PTPRT: variants seen among roughly 807,000 people sequenced by gnomAD.
The protein encoded by PTPRT is receptor-type tyrosine-protein phosphatase T.
A neutral mutation model predicts 176.8 loss-of-function variants in PTPRT; 56 were observed. The ratio of observed to expected loss-of-function variants is 0.32; its 90% CI spans 0.26 to 0.40. The LOEUF (loss-of-function observed/expected upper bound fraction) is 0.40. Among genes scored for constraint, PTPRT ranks in the 10% least tolerant of loss-of-function variants. PTPRT has a pLI of 1.00. For missense variants in PTPRT, 1,540 were observed against 1,908.2 expected (o/e 0.81, Z 3.60); for synonymous variants, 783 against 739.0 (o/e 1.06, Z -0.96).
chr20:42,777,003 C>T (rs939280658), intron 4 of PTPRT, among the ~76,000 whole-genome samples: 1 of 152,090 alleles, frequency 6.6e-6, no homozygotes, highest in African/African-American at 2.4e-5. Flanking sequence ...TGGTGCCTGA[C>T]ATGGAGCTCA....
At chr20:42,602,511 C>T (rs945506496) in intron 7 of PTPRT, among the ~76,000 whole-genome samples, 3 of 152,132 alleles carry the variant, frequency 2.0e-5, no homozygotes, top group Admixed American at 2.0e-4. Context: ...CTCCTGACAA[C>T]TCTGTGAGGG....
intron 16 of PTPRT, among the ~76,000 whole-genome samples, chr20:42,178,895 C>T (rs897909651): frequency 2.0e-5 from 3 of 152,106 alleles, no homozygotes; most frequent in Non-Finnish European, 4.4e-5. Flanking sequence ...TAGCTAGCTT[C>T]CCAAGGAACA....
At chr20:42,455,866 A>G in intron 8 of PTPRT, among the ~76,000 whole-genome samples, 1 of 152,048 alleles carries the variant, frequency 6.6e-6, no homozygotes, top group East Asian at 1.9e-4. Context: ...AAAGTCTACT[A>G]CTTTGTACTT....
At chr20:42,459,025 G>A (rs1238846779) in intron 8 of PTPRT, among the ~76,000 whole-genome samples, 3 of 152,178 alleles carry the variant, frequency 2.0e-5, no homozygotes, top group Non-Finnish European at 4.4e-5. Context: ...GCTGGAAAGA[G>A]AGACAAAGAG....
At chr20:42,611,738 A>G (rs2073980048) in intron 7 of PTPRT, among the ~76,000 whole-genome samples, 1 of 152,108 alleles carries the variant, frequency 6.6e-6, no homozygotes, top group African/African-American at 2.4e-5. Flanking sequence ...GGCTGTGGGC[A>G]TTCCTTCTGT....
intron 8 of PTPRT, among the ~76,000 whole-genome samples, chr20:42,457,026 A>G (rs1000865425): frequency 6.6e-6 from 1 of 152,164 alleles, no homozygotes; most frequent in African/African-American, 2.4e-5. Context: ...AAGTTTTTTA[A>G]TTAATAGTTT....
At position 42,387,521 on chromosome 20, in the gene PTPRT, G is replaced by A. The variant is rs534178257; in HGVS notation, c.1561-35236C>T. On this transcript the variant is annotated intron_variant, in intron 9 of 30. Coordinates refer to ENST00000373187, the MANE Select transcript of PTPRT (RefSeq NM_007050.6). ...CCATGGTCTTTTTGTTGTTGTTGTCGTCGTCATTTGTTTTGTGTTATTATT... is the reference window on the plus strand; with the variant it reads ...CCATGGTCTTTTTGTTGTTGTTGTCATCGTCATTTGTTTTGTGTTATTATT... Among the ~76,000 whole-genome samples the A allele has an allele frequency of 2.0e-3, 297 of 152,212 alleles. 1 individual carries two copies. The highest frequency in any genetic ancestry group is 0.01 in the Middle Eastern group (3 of 294).
chr20:42,083,398 C>T (rs1172726222), intron 29 of PTPRT, among the ~76,000 whole-genome samples: 1 of 152,154 alleles, frequency 6.6e-6, no homozygotes, highest in Non-Finnish European at 1.5e-5. Flanking sequence ...GGGATGTGGG[C>T]AGAGCCAGCT....
intron 9 of PTPRT, among the ~76,000 whole-genome samples, chr20:42,438,483 C>T (rs2059283187): frequency 6.6e-6 from 1 of 151,576 alleles, no homozygotes; most frequent in African/African-American, 2.4e-5. Context: ...TGTCAGTTAA[C>T]TCTCCAATGA....
At chr20:42,139,721 A>G (rs1336930493) in intron 18 of PTPRT, among the ~76,000 whole-genome samples, 1 of 152,236 alleles carries the variant, frequency 6.6e-6, no homozygotes, top group African/African-American at 2.4e-5. Flanking sequence ...AGTCTCAGGC[A>G]TAGGCTTTAT....
chr20:42,046,082 T>A, the PTPRT span, among the ~76,000 whole-genome samples: 1 of 152,216 alleles, frequency 6.6e-6, no homozygotes, highest in South Asian at 2.1e-4. Context: ...CCTGGAGTCA[T>A]GTCCTCCGCC....
At chr20:42,468,652 G>C (rs75637618) in intron 8 of PTPRT, among the ~76,000 whole-genome samples, 5,434 of 152,302 alleles carry the variant, frequency 0.036, 230 homozygotes, top group African/African-American at 0.099. Flanking sequence ...AGAAGAAAGA[G>C]AGAAGTTAAG....
intron 2 of PTPRT, among the ~76,000 whole-genome samples, chr20:42,881,335 CAGGATGTTATGAGTG>C (rs1308539512): frequency 6.6e-6 from 1 of 152,114 alleles, no homozygotes; most frequent in Admixed American, 6.5e-5. Context: ...AAGCAAAGAA[CAGGATGTTATGAGTG>C]AGAATAAGGA....
At chr20:42,881,540 C>T (rs992120298) in intron 2 of PTPRT, among the ~76,000 whole-genome samples, 4 of 152,016 alleles carry the variant, frequency 2.6e-5, no homozygotes, top group South Asian at 2.1e-4. Flanking sequence ...GCCTGGTCAA[C>T]GTGGCAAAAC....
chr20:42,688,017 G>A (rs1218080189), intron 6 of PTPRT: 1 of 152,108 alleles, frequency 6.6e-6, no homozygotes, highest in East Asian at 1.9e-4. Context: ...ATTCAGCTCT[G>A]GTCTTTTTGC....
Position 42,776,753 on chromosome 20 carries a change from T to G in PTPRT, c.568+3465A>C, listed in dbSNP as rs1368660593. 4.0e-5 allele frequency among the ~76,000 whole-genome samples: 6 copies of G among 148,502 alleles called. No individual in the cohort carries two copies. In the South Asian group the frequency reaches 1.3e-3, roughly 31 times the overall value. ...ATTATATATGATATGCTTATATAATTATAAATGTATATATGATATATAAAT... is the reference window on the plus strand; with the variant it reads ...ATTATATATGATATGCTTATATAATGATAAATGTATATATGATATATAAAT... On this transcript the variant is annotated intron_variant, in intron 4 of 30. Coordinates refer to ENST00000373187, the MANE Select transcript of PTPRT (RefSeq NM_007050.6).
At chr20:42,216,709 C>T (rs142670418) in intron 15 of PTPRT, among the ~76,000 whole-genome samples, 10 of 152,252 alleles carry the variant, frequency 6.6e-5, no homozygotes, top group Admixed American at 3.3e-4. Context: ...ATTGTTGCAT[C>T]GTCCCATATT....
chr20:42,461,183 C>T (rs111517094), intron 8 of PTPRT, among the ~76,000 whole-genome samples: 147 of 152,162 alleles, frequency 9.7e-4, no homozygotes, highest in African/African-American at 3.3e-3. Context: ...CAAATTTAGC[C>T]GGGTGTGGTG....
chr20:42,402,396 C>T lies in PTPRT; in HGVS notation c.1560+45824G>A, dbSNP rs933222796. On this transcript the variant is annotated intron_variant, in intron 9 of 30. Coordinates refer to ENST00000373187, the MANE Select transcript of PTPRT (RefSeq NM_007050.6). ...GCCCAAGAGGCTGGAGGCGAGCATG[C>T]AACCAACACATTTGTGAAAAATGCA... 1.4e-4 allele frequency among the ~76,000 whole-genome samples: 20 copies of T among 148,034 alleles called. 2 individuals are homozygous for T. Among genetic ancestry groups the T allele is most frequent in the Admixed American group, 1.0e-3 (15 of 14,540 alleles).
Sources: allele counts gnomAD v4.1 joint callset (sites outside exome capture counted in the v4.1 genomes callset), GRCh38; gene constraint gnomAD v4.1.1; transcripts MANE v1.5; gene names NCBI Gene and HGNC (gene_info 2026-07-23, HGNC 2026-07-21).